Variants in ANTXR2 observed in about 807,000 individuals in gnomAD.
ANTXR2 encodes ANTXR cell adhesion molecule 2.
ANTXR2 carries 44 observed loss-of-function variants against 73.7 expected under a neutral mutation model. That is an observed-to-expected ratio of 0.60 (90% CI 0.47 to 0.77). ANTXR2 has a LOEUF of 0.77. Among genes scored for constraint, ANTXR2 ranks in the 30% least tolerant of loss-of-function variants. The pLI is 0.00. For missense variants in ANTXR2, 604 were observed against 592.5 expected, an observed-to-expected ratio of 1.02 and a Z score of -0.20; for synonymous variants, 217 against 205.9, an observed-to-expected ratio of 1.05 and a Z score of -0.46.
At chr4:79,986,330 A>G (rs533138614) in intron 12 of ANTXR2, among the ~76,000 whole-genome samples, 111 of 152,262 alleles carry the variant, frequency 7.3e-4, no homozygotes, top group Non-Finnish European at 1.3e-3. Flanking sequence ...ATGCTATTAA[A>G]TTTTCAAAGG....
intron 16 of ANTXR2, among the ~76,000 whole-genome samples, chr4:79,923,203 G>T (rs1015560129): frequency 1.3e-5 from 2 of 152,062 alleles, no homozygotes; most frequent in African/African-American, 4.8e-5. Flanking sequence ...TATGAATATT[G>T]AAAGTTTCAG....
chr4:79,985,795 C>CT (rs1730119249), intron 12 of ANTXR2, among the ~76,000 whole-genome samples: 3 of 151,496 alleles, frequency 2.0e-5, no homozygotes, highest in African/African-American at 7.3e-5. Context: ...GCCAAGACCC[C>CT]TTTCCTGTGA....
At chr4:80,050,563 A>T (rs1733726525) in intron 7 of ANTXR2, among the ~76,000 whole-genome samples, 1 of 151,656 alleles carries the variant, frequency 6.6e-6, no homozygotes, top group African/African-American at 2.4e-5. Context: ...ATCTCATTTA[A>T]TTTAAAAAAT....
At chr4:79,973,507 A>G (rs1162727930) in intron 16 of ANTXR2, among the ~76,000 whole-genome samples, 2 of 151,828 alleles carry the variant, frequency 1.3e-5, no homozygotes, top group Non-Finnish European at 2.9e-5. Context: ...TCACTACTGC[A>G]ACCTTCACCT....
intron 16 of ANTXR2, among the ~76,000 whole-genome samples, chr4:79,944,984 T>C (rs1429631040): frequency 1.3e-5 from 2 of 152,130 alleles, no homozygotes; most frequent in Non-Finnish European, 2.9e-5. Flanking sequence ...AGCAGAAAAA[T>C]TCATGTTTTT....
chr4:80,023,880 C>T (rs139014097), intron 10 of ANTXR2, among the ~76,000 whole-genome samples: 261 of 152,242 alleles, frequency 1.7e-3, no homozygotes, highest in East Asian at 2.7e-3. Context: ...CCCTGGATGC[C>T]ATCTTTAGAC....
intron 16 of ANTXR2, among the ~76,000 whole-genome samples, chr4:79,927,048 TGC>T (rs1428549731): frequency 3.8e-5 from 3 of 78,506 alleles, no homozygotes; most frequent in East Asian, 7.0e-4. Context: ...TATATATATG[TGC>T]GTGTGTGTGT....
At chr4:80,018,098 C>A (rs1422329091) in intron 11 of ANTXR2, among the ~76,000 whole-genome samples, 4 of 152,074 alleles carry the variant, frequency 2.6e-5, no homozygotes, top group Non-Finnish European at 4.4e-5. Context: ...AAATATAAAA[C>A]AATGAAACCG....
chr4:80,010,896 G>C (rs1239380319), intron 11 of ANTXR2, among the ~76,000 whole-genome samples: 6 of 151,940 alleles, frequency 3.9e-5, no homozygotes, highest in Admixed American at 3.9e-4. Context: ...ACCTGTAATC[G>C]CAGCACTTTG....
intron 7 of ANTXR2, among the ~76,000 whole-genome samples, chr4:80,042,633 T>C (rs1733321841): frequency 6.6e-6 from 1 of 152,078 alleles, no homozygotes; most frequent in Non-Finnish European, 1.5e-5. Flanking sequence ...AACTCATTCA[T>C]ACTTTATATT....
At chr4:80,008,282 T>C (rs1486548286) in intron 12 of ANTXR2, among the ~76,000 whole-genome samples, 1 of 152,182 alleles carries the variant, frequency 6.6e-6, no homozygotes, top group Non-Finnish European at 1.5e-5. Flanking sequence ...ACTTCCCCTA[T>C]TTTTCTCTCC....
At chr4:79,994,663 T>A (rs1730641395) in intron 12 of ANTXR2, among the ~76,000 whole-genome samples, 2 of 152,006 alleles carry the variant, frequency 1.3e-5, no homozygotes, top group South Asian at 4.1e-4. Context: ...AATGTCATAT[T>A]CATTATCCCA....
At chr4:79,917,804 T>C (rs1424658573) in intron 16 of ANTXR2, among the ~76,000 whole-genome samples, 1 of 151,904 alleles carries the variant, frequency 6.6e-6, no homozygotes, top group Non-Finnish European at 1.5e-5. Flanking sequence ...AGTATAAAAT[T>C]ACAAATTATG....
intron 11 of ANTXR2, among the ~76,000 whole-genome samples, chr4:80,017,521 T>C (rs1731931670): frequency 1.3e-5 from 1 of 77,738 alleles, no homozygotes; most frequent in African/African-American, 4.2e-5. Flanking sequence ...AACTAGAAAG[T>C]CTTCCTTAAA....
At chr4:79,986,976 T>C (rs1730195624) in intron 12 of ANTXR2, among the ~76,000 whole-genome samples, 1 of 152,074 alleles carries the variant, frequency 6.6e-6, no homozygotes, top group Admixed American at 6.5e-5. Context: ...CATCAAAGAA[T>C]ATAAAAGCAA....
At chr4:80,044,680 CAT>C (rs943563779) in intron 7 of ANTXR2, among the ~76,000 whole-genome samples, 2 of 151,870 alleles carry the variant, frequency 1.3e-5, no homozygotes, top group Admixed American at 6.6e-5. Context: ...TAAGCCTAGA[CAT>C]ATTTTAAAAT....
At chr4:79,977,168 T>C (rs1421875386) in intron 16 of ANTXR2, among the ~76,000 whole-genome samples, 1 of 152,212 alleles carries the variant, frequency 6.6e-6, no homozygotes, top group East Asian at 1.9e-4. Flanking sequence ...TTTTACGTAA[T>C]AGTCAAGAAA....
intron 16 of ANTXR2, among the ~76,000 whole-genome samples, chr4:79,963,545 A>G (rs1461098069): frequency 6.6e-6 from 1 of 152,206 alleles, no homozygotes; most frequent in Non-Finnish European, 1.5e-5. Context: ...TCAACAAGAC[A>G]TAAAAACTTT....
At chr4:80,071,486 T>G in intron 2 of ANTXR2, 97 bp downstream of exon 2, 2 of 1,015,280 alleles carry the variant, frequency 2.0e-6, no homozygotes, top group Non-Finnish European at 3.1e-6. Flanking sequence ...AAGTAACATT[T>G]CAGGAAAAGT....
Sources: allele counts gnomAD v4.1 joint callset (sites outside exome capture counted in the v4.1 genomes callset), GRCh38; gene constraint gnomAD v4.1.1; transcripts MANE v1.5; gene names NCBI Gene and HGNC (gene_info 2026-07-23, HGNC 2026-07-21).